GRM8: variants seen among roughly 807,000 people sequenced by gnomAD.
The protein encoded by GRM8 is glutamate metabotropic receptor 8.
GRM8 carries 47 observed loss-of-function variants against 87.2 expected under a neutral mutation model. The ratio of observed to expected loss-of-function variants is 0.54; its 90% CI spans 0.43 to 0.69. The LOEUF (loss-of-function observed/expected upper bound fraction) is 0.69. Ranked by LOEUF, GRM8 falls within the 30% of genes least tolerant of loss-of-function variation. The pLI, the probability that GRM8 is intolerant of heterozygous loss-of-function variation, is 0.00. For missense variants in GRM8, 1,019 were observed against 1,139.2 expected (o/e 0.89, Z 1.52); for synonymous variants, 396 against 404.5 (o/e 0.98, Z 0.25).
chr7:126,494,337 A>G (rs947638927), intron 9 of GRM8, among the ~76,000 whole-genome samples: 5 of 152,004 alleles, frequency 3.3e-5, no homozygotes, highest in African/African-American at 4.8e-5. Context: ...ACAAAACATC[A>G]TTTCAAACAA....
chr7:126,599,732 G>T (rs930571677), intron 8 of GRM8, among the ~76,000 whole-genome samples: 1 of 152,074 alleles, frequency 6.6e-6, no homozygotes. Flanking sequence ...ATCATACTTT[G>T]CTAATAATGA....
At chr7:127,218,685 G>A (rs757047292) in intron 2 of GRM8, among the ~76,000 whole-genome samples, 58 of 152,266 alleles carry the variant, frequency 3.8e-4, no homozygotes, top group Non-Finnish European at 7.1e-4. Flanking sequence ...TCTCTGTCAA[G>A]CATGAGTAGA....
At chr7:126,655,382 A>G (rs191569471) in intron 7 of GRM8, among the ~76,000 whole-genome samples, 1 of 152,038 alleles carries the variant, frequency 6.6e-6, no homozygotes, top group Non-Finnish European at 1.5e-5. Flanking sequence ...ATATAGTTTG[A>G]CTCTGTATCC....
chr7:126,444,555 A>T (rs1801803699), intron 10 of GRM8, among the ~76,000 whole-genome samples: 1 of 152,068 alleles, frequency 6.6e-6, no homozygotes, highest in Non-Finnish European at 1.5e-5. Flanking sequence ...AATCTGGCTA[A>T]TGATTCCAGG....
intron 3 of GRM8, among the ~76,000 whole-genome samples, chr7:127,056,331 G>A (rs1819984848): frequency 6.6e-6 from 1 of 152,096 alleles, no homozygotes; most frequent in Admixed American, 6.5e-5. Context: ...AAAGAAGCAG[G>A]AGATCACACA....
chr7:126,468,830 C>A (rs544618155), intron 9 of GRM8, among the ~76,000 whole-genome samples: 59 of 152,190 alleles, frequency 3.9e-4, no homozygotes, highest in Admixed American at 3.3e-3. Context: ...AGGCAGCATG[C>A]TATACTATTA....
intron 3 of GRM8, among the ~76,000 whole-genome samples, chr7:127,082,891 C>T (rs1052299927): frequency 6.6e-6 from 1 of 152,132 alleles, no homozygotes; most frequent in African/African-American, 2.4e-5. Flanking sequence ...GCAGTGATGT[C>T]ACTAGGCAAG....
At chr7:127,032,125 C>T (rs1422029297) in intron 3 of GRM8, among the ~76,000 whole-genome samples, 6 of 152,118 alleles carry the variant, frequency 3.9e-5, no homozygotes, top group African/African-American at 1.4e-4. Flanking sequence ...TGAACCTATT[C>T]TTTTACTATT....
At chr7:126,715,347 T>C (rs1563117847) in intron 7 of GRM8, among the ~76,000 whole-genome samples, 1 of 152,202 alleles carries the variant, frequency 6.6e-6, no homozygotes, top group South Asian at 2.1e-4. Flanking sequence ...GTAGTACATA[T>C]GTATTACTGT....
At chr7:127,107,128 A>G (rs1825885854) in intron 2 of GRM8, among the ~76,000 whole-genome samples, 1 of 152,254 alleles carries the variant, frequency 6.6e-6, no homozygotes, top group Non-Finnish European at 1.5e-5. Flanking sequence ...TAGGACATAA[A>G]TGCTATACAA....
intron 6 of GRM8, among the ~76,000 whole-genome samples, chr7:126,815,969 G>A (rs903873935): frequency 6.6e-6 from 1 of 152,016 alleles, no homozygotes; most frequent in Non-Finnish European, 1.5e-5. Context: ...AGGTGAGACT[G>A]AGACTAAACA....
At chr7:126,971,653 C>T (rs1208610526) in intron 3 of GRM8, among the ~76,000 whole-genome samples, 1 of 152,056 alleles carries the variant, frequency 6.6e-6, no homozygotes, top group Admixed American at 6.6e-5. Context: ...GGCTATGAGT[C>T]CATGAGGAGA....
At chr7:126,530,896 C>T (rs1358396151) in intron 9 of GRM8, among the ~76,000 whole-genome samples, 1 of 152,218 alleles carries the variant, frequency 6.6e-6, no homozygotes, top group Admixed American at 6.5e-5. Flanking sequence ...TAACCTTGAA[C>T]TCCTGGGCTC....
chr7:126,747,804 A>G (rs1028637378), intron 7 of GRM8, among the ~76,000 whole-genome samples: 1 of 151,932 alleles, frequency 6.6e-6, no homozygotes, highest in Non-Finnish European at 1.5e-5. Context: ...AAGAATTATA[A>G]ATTTTCCTTC....
At chr7:126,586,355 A>G (rs1796123673) in intron 8 of GRM8, among the ~76,000 whole-genome samples, 1 of 152,232 alleles carries the variant, frequency 6.6e-6, no homozygotes, top group African/African-American at 2.4e-5. Context: ...GAACCAAAAA[A>G]GAGCCTGCAT....
At chr7:127,067,337 A>G (rs1345005782) in intron 3 of GRM8, among the ~76,000 whole-genome samples, 1 of 152,202 alleles carries the variant, frequency 6.6e-6, no homozygotes, top group African/African-American at 2.4e-5. Context: ...GAAGCCACAC[A>G]TCTGGTAGTA....
At chr7:126,981,490 T>C (rs1019382987) in intron 3 of GRM8, among the ~76,000 whole-genome samples, 3 of 152,200 alleles carry the variant, frequency 2.0e-5, no homozygotes, top group Non-Finnish European at 4.4e-5. Flanking sequence ...TGGTATCACA[T>C]AGCGAGGAAG....
In GRM8 at chr7:126,946,537, AGAAAG is replaced by A. The variant is rs1239442728; in HGVS notation, c.728-41859_728-41855del. Among the ~76,000 whole-genome samples, 5 of 152,316 alleles carry A rather than the reference AGAAAG, an allele frequency of 3.3e-5. No homozygotes were observed. In the East Asian group the frequency reaches 9.7e-4, roughly 29 times the overall value. ...GCAGAAAAGGAAAGAAAAAGTCAAA[AGAAAG>A]GAAAGAAAGACCAGGACTTGCCAGC... On this transcript the variant is annotated intron_variant, in intron 3 of 10. Coordinates refer to ENST00000339582, the MANE Select transcript of GRM8 (RefSeq NM_000845.3).
intron 2 of GRM8, among the ~76,000 whole-genome samples, chr7:127,149,450 T>C (rs1363150561): frequency 6.6e-6 from 1 of 152,032 alleles, no homozygotes; most frequent in Non-Finnish European, 1.5e-5. Context: ...AGGGAACTCA[T>C]ACACTATTGA....
Sources: allele counts gnomAD v4.1 joint callset (sites outside exome capture counted in the v4.1 genomes callset), GRCh38; gene constraint gnomAD v4.1.1; transcripts MANE v1.5; gene names NCBI Gene and HGNC (gene_info 2026-07-23, HGNC 2026-07-21).